ZNF148: variants seen among roughly 807,000 people sequenced by gnomAD.
The protein encoded by ZNF148 is zinc finger protein 148, also known as Beta-Enolase Repressor Factor-1.
In ZNF148, 7 loss-of-function variants were observed where a neutral mutation model predicts 67.7. That is an observed-to-expected ratio of 0.10 (90% CI 0.06 to 0.19). ZNF148 has a LOEUF of 0.19. Among genes scored for constraint, ZNF148 ranks in the 10% least tolerant of loss-of-function variants. ZNF148 has a pLI of 1.00. For synonymous variants in ZNF148, 333 were observed against 330.7 expected, an observed-to-expected ratio of 1.01 and a Z score of -0.08; for missense variants, 583 against 947.1, an observed-to-expected ratio of 0.62 and a Z score of 5.05.
chr3:125,258,280 C>CCA (rs1937181887), intron 7 of ZNF148, among the ~76,000 whole-genome samples: 1 of 151,880 alleles, frequency 6.6e-6, no homozygotes. Flanking sequence ...AAAAAATTAG[C>CCA]CGGGCATGGT....
chr3:125,255,236 CTTTTTTTTTTTTTTTTT>C (rs59309462), intron 7 of ZNF148, among the ~76,000 whole-genome samples: 2 of 62,136 alleles, frequency 3.2e-5, no homozygotes, highest in East Asian at 4.6e-4. Context: ...TCTCCACCTG[CTTTTTTTTTTTTTTTTT>C]TTTTTTTTTT....
intron 1 of ZNF148, among the ~76,000 whole-genome samples, chr3:125,347,443 G>T (rs1033593484): frequency 1.3e-5 from 2 of 152,096 alleles, no homozygotes; most frequent in Non-Finnish European, 2.9e-5. Flanking sequence ...AACTAACAAA[G>T]CTACAGTAAT....
rs535143981 is a variant in ZNF148, at chr3:125,271,205, C to T, written c.667+6521G>A. ...ACACGATAAATCTGACATTCCTTAG[C>T]TTAGCATCAAGGCTAGACAATGCAA... On this transcript the variant is annotated intron_variant, in intron 7 of 8. Coordinates refer to ENST00000360647, the MANE Select transcript of ZNF148 (RefSeq NM_021964.3). Among the ~76,000 whole-genome samples, 12 of 152,256 alleles carry T rather than the reference C, an allele frequency of 7.9e-5. No individual in the cohort carries two copies. The South Asian group carries it at 2.3e-3, about 29-fold the overall frequency.
chr3:125,372,206 T>C (rs1175944126), intron 1 of ZNF148, among the ~76,000 whole-genome samples: 20 of 152,196 alleles, frequency 1.3e-4, no homozygotes, highest in Non-Finnish European at 1.3e-4. Context: ...TTCTGATAGG[T>C]CCATCCAAAC....
intron 1 of ZNF148, among the ~76,000 whole-genome samples, chr3:125,360,811 T>A (rs1006977330): frequency 6.7e-6 from 1 of 148,778 alleles, no homozygotes; most frequent in Non-Finnish European, 1.5e-5. Flanking sequence ...AGACCACATC[T>A]CTTTAAAAAA....
chr3:125,303,765 A>T (rs1388446561), intron 4 of ZNF148, among the ~76,000 whole-genome samples: 1 of 152,036 alleles, frequency 6.6e-6, no homozygotes, highest in Admixed American at 6.6e-5. Context: ...AATGCTTTTG[A>T]ATCATCCTGA....
In ZNF148 at chr3:125,375,183, A is replaced by AAGGGGGG. The variant is rs994190421; in HGVS notation, c.-322_-316dup. ...TTTCTAGGGGCCTTGAGAGGAGGGG[A>AAGGGGGG]AGGGGGGAGGGGGGAGAACTTTTGC... On this transcript the variant is annotated 5_prime_UTR_variant, in exon 1 of 9. An upstream open reading frame in the 5' UTR loses its in-frame stop. Transcript: ENST00000360647. 3.3e-5 allele frequency: 5 copies of AAGGGGGG among 151,904 alleles called. No homozygotes were observed. Among genetic ancestry groups the AAGGGGGG allele is most frequent in the African/African-American group, 7.3e-5 (3 of 41,204 alleles). 9.4% of individuals were successfully genotyped at this position (151,904 alleles called of 1,614,324 possible).
intron 4 of ZNF148, among the ~76,000 whole-genome samples, chr3:125,307,914 T>TA (rs1939976151): frequency 6.6e-6 from 1 of 150,776 alleles, no homozygotes; most frequent in South Asian, 2.1e-4. Context: ...CTCGGCCCCC[T>TA]AAAGTGCTGA....
rs35950048 is a variant in ZNF148, at chr3:125,232,327, CTTTTTT to C, written c.*8_*13del. 2.7e-6 allele frequency: 4 copies of C among 1,469,184 alleles called. No individual in the cohort carries two copies. Among genetic ancestry groups the C allele is most frequent in the African/African-American group, 1.4e-5 (1 of 68,968 alleles). 91.0% of individuals were successfully genotyped at this position (1,469,184 alleles called of 1,614,324 possible). On this transcript the variant is annotated 3_prime_UTR_variant, in exon 9 of 9. Transcript: ENST00000360647. The surrounding 1 kb of genome is among the most constrained non-coding windows in gnomAD (Gnocchi z 4.2). ...TTCTAAAGTGCCAGTATTATTTACA[CTTTTTT>C]TTTTTTTTTAGCCAAAAGTCTGGCC... is the stretch of plus-strand genomic sequence containing the variant.
chr3:125,267,337 C>T (rs1267296195), intron 7 of ZNF148, among the ~76,000 whole-genome samples: 1 of 151,654 alleles, frequency 6.6e-6, no homozygotes, highest in African/African-American at 2.4e-5. Flanking sequence ...TACTAGCAAA[C>T]TGAATCTAGG....
At chr3:125,304,712 G>A (rs965038541) in intron 4 of ZNF148, among the ~76,000 whole-genome samples, 1 of 152,096 alleles carries the variant, frequency 6.6e-6, no homozygotes, top group Non-Finnish European at 1.5e-5. Flanking sequence ...ATATGTAAAT[G>A]TACATCATTA....
At chr3:125,373,540 C>T (rs913147207) in intron 1 of ZNF148, among the ~76,000 whole-genome samples, 1 of 152,032 alleles carries the variant, frequency 6.6e-6, no homozygotes, top group African/African-American at 2.4e-5. Flanking sequence ...CATAGAGATG[C>T]TAATCCTCCC....
intron 7 of ZNF148, among the ~76,000 whole-genome samples, chr3:125,246,273 C>T (rs1022184109): frequency 5.9e-5 from 9 of 152,052 alleles, no homozygotes; most frequent in African/African-American, 1.9e-4. Context: ...CTTGACAACA[C>T]AAGGAAACAT....
At chr3:125,283,616 T>C (rs781001177) in intron 5 of ZNF148, among the ~76,000 whole-genome samples, 1 of 152,132 alleles carries the variant, frequency 6.6e-6, no homozygotes, top group Non-Finnish European at 1.5e-5. Flanking sequence ...CTTCCTTCAT[T>C]TTCTTACTAT....
At chr3:125,298,451 A>G (rs529260832) in intron 4 of ZNF148, among the ~76,000 whole-genome samples, 3 of 152,042 alleles carry the variant, frequency 2.0e-5, no homozygotes, top group Non-Finnish European at 4.4e-5. Flanking sequence ...GATTAAATAA[A>G]TTATGGCATA....
chr3:125,342,414 C>T (rs1272668249), intron 1 of ZNF148, among the ~76,000 whole-genome samples: 1 of 151,174 alleles, frequency 6.6e-6, no homozygotes, highest in Non-Finnish European at 1.5e-5. Flanking sequence ...TAAGGGAACA[C>T]CAATTCAAAT....
chr3:125,339,708 G>C (rs560578310), intron 1 of ZNF148, among the ~76,000 whole-genome samples: 8 of 152,078 alleles, frequency 5.3e-5, no homozygotes, highest in African/African-American at 1.7e-4. Flanking sequence ...ATAAATACTC[G>C]AGGAGATGGA....
At chr3:125,240,527 G>A (rs1936301991) in intron 7 of ZNF148, among the ~76,000 whole-genome samples, 1 of 152,152 alleles carries the variant, frequency 6.6e-6, no homozygotes. Context: ...ACTTCGAGAG[G>A]TTCAGGCGGG....
intron 1 of ZNF148, among the ~76,000 whole-genome samples, chr3:125,335,236 G>A (rs965659088): frequency 4.6e-5 from 7 of 152,202 alleles, no homozygotes; most frequent in Middle Eastern, 3.4e-3. Context: ...CTAAAACAGT[G>A]CCTTACACAT....
Sources: allele counts gnomAD v4.1 joint callset (sites outside exome capture counted in the v4.1 genomes callset), GRCh38; gene constraint gnomAD v4.1.1; non-coding constraint Gnocchi (gnomAD v3.1); transcripts MANE v1.5; gene names NCBI Gene and HGNC (gene_info 2026-07-23, HGNC 2026-07-21).